Variants in RALGAPA1 observed in about 807,000 individuals in gnomAD.
RALGAPA1 encodes Ral GTPase activating protein catalytic subunit alpha 1.
A neutral mutation model predicts 269.6 loss-of-function variants in RALGAPA1; 52 were observed. The ratio of observed to expected loss-of-function variants is 0.19; its 90% confidence interval spans 0.15 to 0.24. The LOEUF (loss-of-function observed/expected upper bound fraction) is 0.24, where lower values mean the gene tolerates loss of function less well. Ranked by LOEUF, RALGAPA1 falls within the 10% of genes least tolerant of loss-of-function variation. The pLI is 1.00. For synonymous variants in RALGAPA1, 817 were observed against 1,008.3 expected (o/e 0.81, Z 3.60); for missense variants, 1,917 against 3,013.9 (o/e 0.64, Z 8.52).
At chr14:35,693,584 T>C (rs926908986) in intron 17 of RALGAPA1, among the ~76,000 whole-genome samples, 2 of 151,976 alleles carry the variant, frequency 1.3e-5, no homozygotes, top group African/African-American at 2.4e-5. Context: ...TCTACTAACA[T>C]ACCTTAGAAA....
intron 35 of RALGAPA1, among the ~76,000 whole-genome samples, chr14:35,617,637 T>TGGGGGGGGGGGGGG (rs1221537442): frequency 2.1e-4 from 1 of 4,874 alleles, no homozygotes; most frequent in Non-Finnish European, 9.5e-4. Context: ...GTGTGTGGGG[T>TGGGGGGGGGGGGGG]GGGGGGGGGG....
At chr14:35,775,889 G>A (rs2141565879) in intron 1 of RALGAPA1, 144 bp from the exon 2 acceptor site, 1 of 840,188 alleles carries the variant, frequency 1.2e-6, no homozygotes, top group African/African-American at 1.8e-5. Flanking sequence ...ATATTTCTAT[G>A]TCTATATCCT....
chr14:35,597,131 C>G (rs1448860332), intron 36 of RALGAPA1, among the ~76,000 whole-genome samples: 2 of 152,156 alleles, frequency 1.3e-5, no homozygotes, highest in East Asian at 3.9e-4. Context: ...TAACACTGAA[C>G]TCATATCATG....
chr14:35,546,757 C>T (rs926969971), intron 41 of RALGAPA1, among the ~76,000 whole-genome samples: 1 of 152,036 alleles, frequency 6.6e-6, no homozygotes, highest in African/African-American at 2.4e-5. Flanking sequence ...TGCAAACCAG[C>T]AGTCAGGTCC....
At position 35,752,196 on chromosome 14, in the gene RALGAPA1, G is replaced by A. The variant is rs533995253; in HGVS notation, c.664-34C>T. ...AAATTATATAATTAGAATCATTCCA[G>A]AAGAAAGAATCTCTTAAATGCAAGT... is the stretch of plus-strand genomic sequence containing the variant. On this transcript the variant is annotated intron_variant, in intron 7 of 41. Transcript: ENST00000680220. 301 of 1,465,486 alleles carry A rather than the reference G, an allele frequency of 2.1e-4. 1 individual carries two copies. The African/African-American group carries it at 3.7e-3, about 18-fold the overall frequency. 90.8% of individuals were successfully genotyped at this position (1,465,486 alleles called of 1,614,324 possible). A position where few individuals can be genotyped will look rare whatever the true frequency, so the allele number is the denominator to read the frequency against.
At chr14:35,583,802 T>A (rs2058102219) in intron 37 of RALGAPA1, among the ~76,000 whole-genome samples, 1 of 152,116 alleles carries the variant, frequency 6.6e-6, no homozygotes, top group Non-Finnish European at 1.5e-5. Context: ...AGTGAAATAT[T>A]TAAAGTATTG....
At chr14:35,733,001 C>G (rs1255150114) in intron 12 of RALGAPA1, among the ~76,000 whole-genome samples, 2 of 152,168 alleles carry the variant, frequency 1.3e-5, no homozygotes, top group Non-Finnish European at 2.9e-5. Flanking sequence ...TGATAAACCA[C>G]AAAATGAGCC....
chr14:35,635,835 G>A (rs1249511891), intron 31 of RALGAPA1, among the ~76,000 whole-genome samples: 1 of 152,018 alleles, frequency 6.6e-6, no homozygotes, highest in African/African-American at 2.4e-5. Flanking sequence ...AATAAAAACA[G>A]AAATGTTAAA....
intron 1 of RALGAPA1, among the ~76,000 whole-genome samples, chr14:35,786,616 G>A (rs968281357): frequency 4.0e-5 from 6 of 151,618 alleles, no homozygotes; most frequent in African/African-American, 1.5e-4. Flanking sequence ...CCAGCACTCC[G>A]TCTCAAAAAA....
In RALGAPA1 at chr14:35,747,422, A is replaced by G. The variant is rs545607107; in HGVS notation, c.1251+1163T>C. ...TTTGTCAAATGTCTTTCCTTTCCCAATTGTTACATATTCTGTAAACACAAA... is the reference window on the plus strand; with the variant it reads ...TTTGTCAAATGTCTTTCCTTTCCCAGTTGTTACATATTCTGTAAACACAAA... On this transcript the variant is annotated intron_variant, in intron 10 of 41. Transcript: ENST00000680220. Among the ~76,000 whole-genome samples, 39 of 152,332 alleles carry G rather than the reference A, an allele frequency of 2.6e-4. No individual in the cohort carries two copies. The South Asian group carries it at 7.5e-3, about 29-fold the overall frequency.
At chr14:35,690,102 T>G in intron 17 of RALGAPA1, 99 bp from the exon 18 acceptor site, 1 of 910,190 alleles carries the variant, frequency 1.1e-6, no homozygotes, top group Non-Finnish European at 1.6e-6. Flanking sequence ...TTAAAAAAAA[T>G]CTGAGTTTTT....
chr14:35,682,696 G>A (rs2065558062), intron 21 of RALGAPA1, among the ~76,000 whole-genome samples: 1 of 152,076 alleles, frequency 6.6e-6, no homozygotes, highest in Non-Finnish European at 1.5e-5. Flanking sequence ...TCAATGTTAA[G>A]TATCTTTTCA....
chr14:35,768,577 C>T (rs1165011333), intron 4 of RALGAPA1, among the ~76,000 whole-genome samples: 1 of 151,864 alleles, frequency 6.6e-6, no homozygotes, highest in African/African-American at 2.4e-5. Flanking sequence ...CACCTGTGGT[C>T]CCAGCTACTT....
At position 35,627,763 on chromosome 14, in the gene RALGAPA1, T is replaced by C. The variant is rs1188441965; in HGVS notation, c.6184A>G (p.Asn2062Asp). The C allele has an allele frequency of 1.2e-6, 2 of 1,613,266 alleles. No homozygotes were observed. The highest frequency in any genetic ancestry group is 1.7e-6 in the Non-Finnish European group (2 of 1,179,628). ...TTATTTAACACAAAGAACTGGATAT[T>C]TGGACTCTCAAAGAGTTCAGGAGAA... is the stretch of plus-strand genomic sequence containing the variant. Reference protein sequence around the residue: ...ELSPELFESPNIQFFVLNNTT... With the variant: ...ELSPELFESPDIQFFVLNNTT... Residue 2062 changes from asparagine (N) to aspartate (D), a missense_variant, in exon 34 of 42, where the codon AAT becomes GAT. Transcript: ENST00000680220.
intron 39 of RALGAPA1, among the ~76,000 whole-genome samples, chr14:35,557,035 G>A (rs1230661308): frequency 1.3e-5 from 2 of 151,188 alleles, no homozygotes; most frequent in African/African-American, 2.4e-5. Flanking sequence ...AATCCTTCCT[G>A]ATTTAATAAT....
chr14:35,621,212 T>A (rs1284301742), intron 35 of RALGAPA1, among the ~76,000 whole-genome samples: 1 of 151,940 alleles, frequency 6.6e-6, no homozygotes, highest in Non-Finnish European at 1.5e-5. Context: ...ATACCACACA[T>A]CTACGACCAT....
At chr14:35,758,219 G>C (rs1010508219) in intron 6 of RALGAPA1, among the ~76,000 whole-genome samples, 3 of 143,312 alleles carry the variant, frequency 2.1e-5, no homozygotes, top group African/African-American at 7.9e-5. Flanking sequence ...ACTCCAGCCT[G>C]GGCGACAGAG....
chr14:35,566,478 T>G (rs2056715518), intron 39 of RALGAPA1, among the ~76,000 whole-genome samples: 1 of 152,124 alleles, frequency 6.6e-6, no homozygotes, highest in Admixed American at 6.6e-5. Context: ...GCAGTACAAT[T>G]ATCCAAATAT....
At chr14:35,585,305 T>A (rs1240445526) in intron 37 of RALGAPA1, among the ~76,000 whole-genome samples, 1 of 152,034 alleles carries the variant, frequency 6.6e-6, no homozygotes, top group Non-Finnish European at 1.5e-5. Context: ...AACAATGGAA[T>A]TAAATTAGAA....
Sources: gnomAD v4.1 joint callset for allele counts (sites outside exome capture counted in the v4.1 genomes callset) on GRCh38, gnomAD v4.1.1 for gene constraint, MANE v1.5 for transcripts, NCBI Gene and HGNC (gene_info 2026-07-23, HGNC 2026-07-21) for gene names.